TAFA1: variants seen among roughly 807,000 people sequenced by gnomAD.
TAFA1 encodes TAFA chemokine like family member 1, also known as chemokine-like protein TAFA-1.
In TAFA1, 4 loss-of-function variants were observed where a neutral mutation model predicts 18.5. That is an observed-to-expected ratio of 0.22 (90% CI 0.11 to 0.49). The LOEUF is 0.49. Ranked by LOEUF, TAFA1 falls within the 20% of genes least tolerant of loss-of-function variation. The pLI, the probability that TAFA1 is intolerant of heterozygous loss-of-function variation, is 0.98. For missense variants in TAFA1, 147 were observed against 169.0 expected (o/e 0.87, Z 0.72); for synonymous variants, 56 against 55.2 (o/e 1.01, Z -0.06).
chr3:68,059,131 G>T (rs946864483), intron 2 of TAFA1, among the ~76,000 whole-genome samples: 3 of 152,086 alleles, frequency 2.0e-5, no homozygotes, highest in Non-Finnish European at 2.9e-5. Context: ...TGTGTGAACA[G>T]CCTGGAGAAG....
intron 2 of TAFA1, among the ~76,000 whole-genome samples, chr3:68,180,012 TTTATTATTA>T (rs35696872): frequency 1.1e-4 from 16 of 140,322 alleles, no homozygotes; most frequent in African/African-American, 2.9e-4. Flanking sequence ...AACACATAAT[TTTATTATTA>T]TTATTATTAT....
intron 2 of TAFA1, among the ~76,000 whole-genome samples, chr3:68,190,103 C>G (rs1443163370): frequency 6.6e-6 from 1 of 151,912 alleles, no homozygotes; most frequent in Non-Finnish European, 1.5e-5. Context: ...TCAGCCTGAT[C>G]TCTTTCTTGA....
intron 2 of TAFA1, among the ~76,000 whole-genome samples, chr3:68,080,650 C>T (rs1429683883): frequency 2.0e-5 from 3 of 152,166 alleles, no homozygotes; most frequent in African/African-American, 7.2e-5. Flanking sequence ...CCCCCACTCT[C>T]TTCTGGCTTG....
chr3:68,025,784 G>A (rs1430638576), intron 2 of TAFA1, among the ~76,000 whole-genome samples: 1 of 152,138 alleles, frequency 6.6e-6, no homozygotes, highest in African/African-American at 2.4e-5. Context: ...CACCTCCTCT[G>A]TGAGGTCTTC....
intron 2 of TAFA1, among the ~76,000 whole-genome samples, chr3:68,285,377 A>C (rs9681503): frequency 0.038 from 5,837 of 152,212 alleles, 328 homozygotes; most frequent in East Asian, 0.12. Context: ...TGTAAAAATT[A>C]ATGAAGATAT....
upstream of TAFA1, among the ~76,000 whole-genome samples, chr3:68,001,745 A>C (rs934955353): frequency 6.6e-6 from 1 of 152,160 alleles, no homozygotes; most frequent in Non-Finnish European, 1.5e-5. Flanking sequence ...TACAAGATAA[A>C]GTTTTCATCA....
At chr3:68,062,264 T>C (rs1559722023) in intron 2 of TAFA1, among the ~76,000 whole-genome samples, 1 of 152,192 alleles carries the variant, frequency 6.6e-6, no homozygotes, top group East Asian at 1.9e-4. Context: ...TGCAGGAAAC[T>C]GAAGCTCCTA....
At chr3:68,081,873 T>G (rs927732911) in intron 2 of TAFA1, among the ~76,000 whole-genome samples, 1 of 152,218 alleles carries the variant, frequency 6.6e-6, no homozygotes, top group Non-Finnish European at 1.5e-5. Context: ...TTTGTTTACC[T>G]AATCAAGCCT....
chr3:68,174,836 G>A (rs1238440430), intron 2 of TAFA1, among the ~76,000 whole-genome samples: 2 of 152,150 alleles, frequency 1.3e-5, no homozygotes, highest in Non-Finnish European at 2.9e-5. Flanking sequence ...AAGACAATGG[G>A]GAAAATCTCC....
chr3:68,425,621 T>C (rs1383781127), intron 3 of TAFA1, among the ~76,000 whole-genome samples: 2 of 151,918 alleles, frequency 1.3e-5, no homozygotes, highest in Non-Finnish European at 2.9e-5. Flanking sequence ...AGAGGATGAA[T>C]GTACAAGAAC....
intron 2 of TAFA1, among the ~76,000 whole-genome samples, chr3:68,204,449 A>G (rs1223731852): frequency 2.0e-5 from 3 of 151,736 alleles, no homozygotes; most frequent in Admixed American, 2.0e-4. Context: ...AGAATTTCCA[A>G]AAGTGATTGA....
chr3:68,493,463 C>A (rs2072490671), intron 3 of TAFA1, among the ~76,000 whole-genome samples: 1 of 152,196 alleles, frequency 6.6e-6, no homozygotes, highest in Admixed American at 6.5e-5. Flanking sequence ...GCACAAATGT[C>A]TCTTAGAATC....
chr3:68,329,288 G>A (rs942095544), intron 2 of TAFA1, among the ~76,000 whole-genome samples: 4 of 143,176 alleles, frequency 2.8e-5, no homozygotes, highest in African/African-American at 5.3e-5. Context: ...GGCTGGCCTC[G>A]AACTACTGAC....
rs551579012 is a variant in TAFA1 at position 68,345,032 on chromosome 3, C to CAAA, written c.119-72235_119-72233dup. Among the ~76,000 whole-genome samples the CAAA allele has an allele frequency of 6.3e-3, 883 of 141,126 alleles. 8 individuals are homozygous for CAAA. Among genetic ancestry groups the CAAA allele is most frequent in the African/African-American group, 0.022 (835 of 38,164 alleles). 92.6% of individuals were successfully genotyped at this position (141,126 alleles called of 152,430 possible). A position where few individuals can be genotyped will look rare whatever the true frequency, so the allele number is the denominator to read the frequency against. On this transcript the variant is annotated intron_variant, in intron 2 of 4. Transcript: ENST00000478136. ...TAGGTAACAGAGTGAGGCCCTATCTCAAAAAAAAAAAAAAATTCAAGGAAA... is the reference window on the plus strand; with the variant it reads ...TAGGTAACAGAGTGAGGCCCTATCTCAAAAAAAAAAAAAAAAAATTCAAGGAAA...
At chr3:68,387,218 G>A (rs528127201) in intron 2 of TAFA1, among the ~76,000 whole-genome samples, 25 of 152,186 alleles carry the variant, frequency 1.6e-4, no homozygotes, top group South Asian at 1.5e-3. Context: ...TATAAATCCA[G>A]ACATTGTACT....
Position 68,391,377 on chromosome 3 carries a change from C to T in TAFA1, c.119-25903C>T, listed in dbSNP as rs116398866. 8.2e-3 allele frequency among the ~76,000 whole-genome samples: 1,243 copies of T among 152,060 alleles called. 15 individuals are homozygous for T. Among genetic ancestry groups the T allele is most frequent in the African/African-American group, 0.028 (1,168 of 41,520 alleles). On this transcript the variant is annotated intron_variant, in intron 2 of 4. Coordinates refer to ENST00000478136, the MANE Select transcript of TAFA1 (RefSeq NM_213609.4). ...CATGGGACTATGTGAAAAGACCAGA[C>T]CTATGTTTGGTGTACCTGAAAGTGA...
intron 3 of TAFA1, among the ~76,000 whole-genome samples, chr3:68,442,584 C>T (rs6779270): frequency 0.024 from 3,723 of 152,018 alleles, 139 homozygotes; most frequent in African/African-American, 0.083. Context: ...GTTTATGACA[C>T]GTAGTGGCTA....
At chr3:68,347,808 G>A (rs1397670834) in intron 2 of TAFA1, among the ~76,000 whole-genome samples, 1 of 152,064 alleles carries the variant, frequency 6.6e-6, no homozygotes, top group East Asian at 1.9e-4. Flanking sequence ...CTTTTGGAAG[G>A]GTACATCTTT....
intron 2 of TAFA1, among the ~76,000 whole-genome samples, chr3:68,228,671 A>G (rs1289226155): frequency 1.3e-5 from 2 of 152,220 alleles, no homozygotes; most frequent in Non-Finnish European, 2.9e-5. Flanking sequence ...TGCCTAGCAC[A>G]AAGTTTAGAA....
Sources: allele counts gnomAD v4.1 joint callset (sites outside exome capture counted in the v4.1 genomes callset), GRCh38; gene constraint gnomAD v4.1.1; transcripts MANE v1.5; gene names NCBI Gene and HGNC (gene_info 2026-07-23, HGNC 2026-07-21).